The following PLCB1 variants were observed in gnomAD, a reference collection of about 807,000 sequenced individuals.
The protein encoded by PLCB1 is 1-phosphatidylinositol 4,5-bisphosphate phosphodiesterase beta-1.
A neutral mutation model predicts 161.8 loss-of-function variants in PLCB1; 46 were observed. The observed-to-expected ratio is 0.28, with a 90% CI of 0.22 to 0.36. The LOEUF is 0.36. Among genes scored for constraint, PLCB1 ranks in the 10% least tolerant of loss-of-function variants. The pLI, the probability that PLCB1 is intolerant of heterozygous loss-of-function variation, is 1.00. For synonymous variants in PLCB1, 517 were observed against 503.7 expected (o/e 1.03, Z -0.35); for missense variants, 1,016 against 1,472.5 (o/e 0.69, Z 5.07).
chr20:8,217,525 A>C lies in PLCB1; in HGVS notation c.177+67154A>C, dbSNP rs6039098. 1.1e-3 allele frequency among the ~76,000 whole-genome samples: 168 copies of C among 152,190 alleles called. 1 individual carries two copies. The highest frequency in any genetic ancestry group is 3.8e-3 in the African/African-American group (157 of 41,542). ...TGTAGCTGTTCAATAATCTGATGAA[A>C]GTGATAGGAAGGAATTTGTGAGACT... On this transcript the variant is annotated intron_variant, in intron 2 of 31. Coordinates refer to ENST00000338037, the MANE Select transcript of PLCB1 (RefSeq NM_015192.4).
intron 4 of PLCB1, among the ~76,000 whole-genome samples, chr20:8,636,904 A>G (rs989955): frequency 0.26 from 40,084 of 151,528 alleles, 5,571 homozygotes; most frequent in South Asian, 0.34. Context: ...CCTTCCATCC[A>G]CTCCATTGCA....
At chr20:8,822,801 T>C (rs1443726750) in intron 31 of PLCB1, among the ~76,000 whole-genome samples, 2 of 152,176 alleles carry the variant, frequency 1.3e-5, no homozygotes, top group Non-Finnish European at 2.9e-5. Flanking sequence ...TTTGATCTGT[T>C]GCAATAAAAT....
intron 3 of PLCB1, among the ~76,000 whole-genome samples, chr20:8,541,600 G>GAAAGAAAGAAAT (rs1292981718): frequency 0.025 from 3,778 of 150,738 alleles, 121 homozygotes; most frequent in Admixed American, 0.097. Context: ...AAGAAAGAAA[G>GAAAGAAAGAAAT]AAAGAAAGGA....
chr20:8,770,920 A>G (rs1010284888), intron 26 of PLCB1, among the ~76,000 whole-genome samples: 1 of 152,068 alleles, frequency 6.6e-6, no homozygotes, highest in African/African-American at 2.4e-5. Context: ...TTGTTTATTC[A>G]TTTTTGTATT....
At chr20:8,716,085 C>T in intron 12 of PLCB1, 179 bp from the exon 13 acceptor site, 1 of 598,388 alleles carries the variant, frequency 1.7e-6, no homozygotes, top group Non-Finnish European at 3.0e-6. Context: ...CGCTGTCCAT[C>T]TGTGTATGTT....
intron 3 of PLCB1, among the ~76,000 whole-genome samples, chr20:8,568,661 AT>A (rs11326941): frequency 0.21 from 31,131 of 149,760 alleles, 4,568 homozygotes; most frequent in African/African-American, 0.42. Flanking sequence ...TTTATTTTGA[AT>A]TTTTTTTTTT....
At chr20:8,804,494 C>T (rs988770554) in intron 31 of PLCB1, among the ~76,000 whole-genome samples, 1 of 151,844 alleles carries the variant, frequency 6.6e-6, no homozygotes, top group Non-Finnish European at 1.5e-5. Flanking sequence ...AAATAGGTCT[C>T]GTGGCTAAAG....
intron 2 of PLCB1, among the ~76,000 whole-genome samples, chr20:8,364,345 A>G (rs746066705): frequency 3.9e-5 from 6 of 152,220 alleles, no homozygotes; most frequent in Non-Finnish European, 5.9e-5. Flanking sequence ...AAGTAGGTCC[A>G]GGGATAACAT....
chr20:8,421,713 G>T (rs1979543214), intron 3 of PLCB1, among the ~76,000 whole-genome samples: 1 of 152,076 alleles, frequency 6.6e-6, no homozygotes, highest in South Asian at 2.1e-4. Flanking sequence ...TTTAATCCAA[G>T]CCTGAATTTG....
At chr20:8,334,653 C>T (rs927253231) in intron 2 of PLCB1, among the ~76,000 whole-genome samples, 4 of 152,148 alleles carry the variant, frequency 2.6e-5, no homozygotes, top group African/African-American at 7.2e-5. Context: ...CATGCCATTC[C>T]AGTTTTAATT....
At chr20:8,292,737 A>G (rs2123305013) in intron 2 of PLCB1, among the ~76,000 whole-genome samples, 1 of 152,324 alleles carries the variant, frequency 6.6e-6, no homozygotes, top group African/African-American at 2.4e-5. Context: ...TCCATTACTT[A>G]CAAGCTTGTG....
Position 8,181,428 on chromosome 20 carries a change from A to T in PLCB1, c.177+31057A>T, listed in dbSNP as rs140297337. Among the ~76,000 whole-genome samples, 476 of 152,302 alleles carry T rather than the reference A, an allele frequency of 3.1e-3. 3 individuals are homozygous for T. Among genetic ancestry groups the T allele is most frequent in the Non-Finnish European group, 3.4e-3 (228 of 68,034 alleles). Reference sequence around the variant, plus strand: ...CTTTACCTTATTGTTGAAATAAAAAAAGCAATAACAATACACAATTATTTT... The same window carrying T: ...CTTTACCTTATTGTTGAAATAAAAATAGCAATAACAATACACAATTATTTT... On this transcript the variant is annotated intron_variant, in intron 2 of 31. Coordinates refer to ENST00000338037, the MANE Select transcript of PLCB1 (RefSeq NM_015192.4).
intron 11 of PLCB1, among the ~76,000 whole-genome samples, chr20:8,705,668 G>T (rs527515581): frequency 6.6e-6 from 1 of 152,206 alleles, no homozygotes; most frequent in Admixed American, 6.5e-5. Context: ...ATGCTTTAAT[G>T]TGAGTATTTT....
rs1370389155 is a variant in PLCB1 at position 8,132,341 on chromosome 20, T to G, written c.-311T>G. ...AGGCGGCGGCGGCGGAGGAGCAGAA[T>G]CCGCCGCGACTGGCAGCCTCGGCTG... On this transcript the variant is annotated 5_prime_UTR_variant, in exon 1 of 32. Transcript: ENST00000338037. This position sits in a 1 kb window ranked among gnomAD's most constrained non-coding sequence, Gnocchi z 5.2. 4 of 228,318 alleles carry G rather than the reference T, an allele frequency of 1.8e-5. No individual in the cohort carries two copies. Among genetic ancestry groups the G allele is most frequent in the Non-Finnish European group, 3.4e-5 (4 of 118,142 alleles). 14.1% of individuals were successfully genotyped at this position (228,318 alleles called of 1,614,324 possible). A position where few individuals can be genotyped will look rare whatever the true frequency, so the allele number is the denominator to read the frequency against.
At chr20:8,871,061 G>C (rs1275051514) in intron 31 of PLCB1, among the ~76,000 whole-genome samples, 1 of 152,128 alleles carries the variant, frequency 6.6e-6, no homozygotes, top group Non-Finnish European at 1.5e-5. Flanking sequence ...CAGAGATTTT[G>C]TATGTACATT....
chr20:8,475,377 T>G (rs1051675478), intron 3 of PLCB1, among the ~76,000 whole-genome samples: 14 of 151,984 alleles, frequency 9.2e-5, no homozygotes, highest in African/African-American at 3.4e-4. Flanking sequence ...CTTGAGCCTG[T>G]GGGTTGGAGA....
At chr20:8,814,811 C>T (rs1306533837) in intron 31 of PLCB1, among the ~76,000 whole-genome samples, 1 of 152,138 alleles carries the variant, frequency 6.6e-6, no homozygotes, top group Non-Finnish European at 1.5e-5. Context: ...TTTGTTAATC[C>T]ATTGCTATGG....
intron 14 of PLCB1, 25 bp downstream of exon 14, chr20:8,717,873 G>T: frequency 3.8e-6 from 6 of 1,588,666 alleles, no homozygotes; most frequent in Non-Finnish European, 5.1e-6. Flanking sequence ...GGCTCTCCCC[G>T]TCATGTTTTG....
At chr20:8,382,449 A>T (rs374230931) in intron 3 of PLCB1, among the ~76,000 whole-genome samples, 2 of 148,406 alleles carry the variant, frequency 1.3e-5, no homozygotes, top group Non-Finnish European at 3.0e-5. Flanking sequence ...CACCTGGCTA[A>T]TTTTTTTGTA....
Sources: allele counts gnomAD v4.1 joint callset (sites outside exome capture counted in the v4.1 genomes callset), GRCh38; gene constraint gnomAD v4.1.1; non-coding constraint Gnocchi (gnomAD v3.1); transcripts MANE v1.5; gene names NCBI Gene and HGNC (gene_info 2026-07-23, HGNC 2026-07-21).